Variants in DPYD observed in about 807,000 individuals in gnomAD.
DPYD encodes the protein dihydropyrimidine dehydrogenase [NADP(+)].
DPYD carries 109 observed loss-of-function variants against 116.2 expected under a neutral mutation model. The observed-to-expected ratio is 0.94, with a 90% CI of 0.80 to 1.10. DPYD has a LOEUF of 1.10. DPYD is among the 50% of genes least tolerant of loss of function. The pLI, the probability that DPYD is intolerant of heterozygous loss-of-function variation, is 0.00. For synonymous variants in DPYD, 440 were observed against 432.0 expected (o/e 1.02, Z -0.23); for missense variants, 1,302 against 1,254.5 (o/e 1.04, Z -0.57).
At chr1:97,796,619 C>T (rs1280150771) in intron 3 of DPYD, among the ~76,000 whole-genome samples, 1 of 151,750 alleles carries the variant, frequency 6.6e-6, no homozygotes, top group African/African-American at 2.4e-5. Flanking sequence ...GAGTCTGAAT[C>T]AACAAAAGAG....
At chr1:97,637,503 C>A (rs1316094851) in intron 8 of DPYD, among the ~76,000 whole-genome samples, 1 of 150,388 alleles carries the variant, frequency 6.6e-6, no homozygotes, top group African/African-American at 2.5e-5. Flanking sequence ...AAGTTTTCCC[C>A]CCCTCAACAA....
intron 16 of DPYD, among the ~76,000 whole-genome samples, chr1:97,338,480 A>G (rs1368928318): frequency 6.6e-6 from 1 of 152,150 alleles, no homozygotes; most frequent in Non-Finnish European, 1.5e-5. Flanking sequence ...CTGCCCAGCC[A>G]CATATGCCGG....
chr1:97,346,227 A>G (rs1232040501), intron 16 of DPYD, among the ~76,000 whole-genome samples: 1 of 151,838 alleles, frequency 6.6e-6, no homozygotes, highest in Non-Finnish European at 1.5e-5. Flanking sequence ...TTTTATTGCT[A>G]CAAAGTATTC....
intron 14 of DPYD, among the ~76,000 whole-genome samples, chr1:97,421,965 A>C (rs548235477): frequency 6.6e-6 from 1 of 152,248 alleles, no homozygotes; most frequent in African/African-American, 2.4e-5. Flanking sequence ...GAAATACAGA[A>C]TAGGGGCAGT....
Position 97,573,765 on chromosome 1 carries a change from G to C in DPYD, c.1334C>G (p.Pro445Arg), listed in dbSNP as rs763984510. The C allele has an allele frequency of 1.2e-6, 2 of 1,613,416 alleles. No homozygotes were observed. Among genetic ancestry groups the C allele is most frequent in the Non-Finnish European group, 1.7e-6 (2 of 1,179,492 alleles). Residue 445 changes from proline (P) to arginine (R), a missense_variant, in exon 11 of 23, where the codon CCT becomes CGT. Physicochemically the swap from Pro to Arg is moderately radical, Grantham distance 103 (BLOSUM62 -2). Coordinates refer to ENST00000370192, the MANE Select transcript of DPYD (RefSeq NM_000110.4). ...ISAFGSVLSD[P>R]KVKEALSPIK... ...TTCAGCTCCCAGCACTGTACCTTTA[G>C]GATCACTCAGAACTGAACCAAAGGC...
chr1:97,770,736 T>C (rs1415498083), intron 3 of DPYD, among the ~76,000 whole-genome samples: 5 of 152,196 alleles, frequency 3.3e-5, no homozygotes, highest in Non-Finnish European at 7.4e-5. Context: ...AAAAATTTCA[T>C]TGTAACAATT....
At chr1:97,806,989 T>C (rs950047381) in intron 3 of DPYD, among the ~76,000 whole-genome samples, 1 of 152,024 alleles carries the variant, frequency 6.6e-6, no homozygotes, top group Non-Finnish European at 1.5e-5. Flanking sequence ...TCTGACCTGA[T>C]AGCTCATTTA....
chr1:97,279,798 G>T (rs1456291485), intron 18 of DPYD, among the ~76,000 whole-genome samples: 1 of 152,104 alleles, frequency 6.6e-6, no homozygotes, highest in Admixed American at 6.5e-5. Context: ...GCGTGAGACA[G>T]AAATTTATTT....
intron 16 of DPYD, among the ~76,000 whole-genome samples, chr1:97,352,562 G>T (rs1277218277): frequency 7.5e-6 from 1 of 132,686 alleles, no homozygotes; most frequent in East Asian, 2.5e-4. Flanking sequence ...ACCTGAAATA[G>T]TAAAAAAAAA....
chr1:97,913,148 A>C (rs925416052), intron 1 of DPYD, among the ~76,000 whole-genome samples: 1 of 152,086 alleles, frequency 6.6e-6, no homozygotes, highest in African/African-American at 2.4e-5. Flanking sequence ...GTACGATTGA[A>C]CTTTTCTTGT....
chr1:97,688,529 A>G (rs1660856051), intron 7 of DPYD, among the ~76,000 whole-genome samples: 1 of 152,142 alleles, frequency 6.6e-6, no homozygotes, highest in South Asian at 2.1e-4. Flanking sequence ...GGAGAAGATG[A>G]CAACTTCCAA....
At chr1:97,546,736 C>G in intron 12 of DPYD, 1 of 1,613,110 alleles carries the variant, frequency 6.2e-7, no homozygotes, top group Non-Finnish European at 8.5e-7. Context: ...GTTTCCTGCA[C>G]CAGGCAAGCC....
At chr1:97,114,261 G>A (rs1651806510) in intron 20 of DPYD, among the ~76,000 whole-genome samples, 1 of 152,102 alleles carries the variant, frequency 6.6e-6, no homozygotes, top group Non-Finnish European at 1.5e-5. Flanking sequence ...AAACTTCTGA[G>A]ACAGGTGTCT....
In DPYD at chr1:97,872,957, A is replaced by G. The variant is rs150708780; in HGVS notation, c.150+10307T>C. ...GATACAAGTTTTCTACTCTCGTGAA[A>G]TTCCTCTTTTTCCTTCCTTCCTTCC... On this transcript the variant is annotated intron_variant, in intron 2 of 22. Transcript: ENST00000370192. Among the ~76,000 whole-genome samples, 1,022 of 151,788 alleles carry G rather than the reference A, an allele frequency of 6.7e-3. 23 individuals carry two copies. The highest frequency in any genetic ancestry group is 4.5e-3 in the Non-Finnish European group (303 of 67,848).
chr1:97,294,749 C>T (rs965126011), intron 18 of DPYD, among the ~76,000 whole-genome samples: 1 of 152,154 alleles, frequency 6.6e-6, no homozygotes, highest in Non-Finnish European at 1.5e-5. Context: ...TTTCTAGCTG[C>T]ATGCTTACAC....
At chr1:97,237,677 A>G (rs1405552729) in intron 18 of DPYD, among the ~76,000 whole-genome samples, 1 of 152,210 alleles carries the variant, frequency 6.6e-6, no homozygotes, top group East Asian at 1.9e-4. Context: ...AAATCTACAT[A>G]ACAAAAGTTA....
At chr1:97,358,484 G>A (rs1462039073) in intron 16 of DPYD, among the ~76,000 whole-genome samples, 1 of 152,182 alleles carries the variant, frequency 6.6e-6, no homozygotes, top group Non-Finnish European at 1.5e-5. Context: ...CTCAGAGAAA[G>A]GACAGGCTGC....
chr1:97,305,310 G>T lies in DPYD; in HGVS notation c.2248C>A (p.Pro750Thr), dbSNP rs1483485944. The stretch of plus-strand genomic sequence containing the variant: ...TTTGCAATCCCCACTGCTGGCCAAG[G>T]TGTGCCATCAGATTTTAATCCCATC... ...GLMGLKSDGT[P>T]WPAVGIAKRT... The change falls in exon 18 of 23, where the codon CCT (proline) becomes ACT (threonine). Residue 750 changes from proline to threonine, a missense_variant. Physicochemically the swap from Pro to Thr is conservative, Grantham distance 38 (BLOSUM62 -1). Coordinates refer to ENST00000370192, the MANE Select transcript of DPYD (RefSeq NM_000110.4). 6.2e-7 allele frequency: 1 copy of T among 1,612,438 alleles called. No individual in the cohort carries two copies. Among genetic ancestry groups the T allele is most frequent in the Non-Finnish European group, 8.5e-7 (1 of 1,178,980 alleles).
At chr1:97,882,689 A>T (rs562633231) in intron 2 of DPYD, among the ~76,000 whole-genome samples, 1 of 152,126 alleles carries the variant, frequency 6.6e-6, no homozygotes, top group South Asian at 2.1e-4. Context: ...CCTCCTATAT[A>T]CAGTTAAACA....
Sources: allele counts gnomAD v4.1 joint callset (sites outside exome capture counted in the v4.1 genomes callset), GRCh38; gene constraint gnomAD v4.1.1; transcripts MANE v1.5; gene names NCBI Gene and HGNC (gene_info 2026-07-23, HGNC 2026-07-21).